SPEF2: variants seen among roughly 807,000 people sequenced by gnomAD.
SPEF2 encodes the protein sperm flagella and cilia-associated protein 2.
Under a neutral mutation model 224.6 loss-of-function variants are expected in SPEF2, and 187 were observed. That is an observed-to-expected ratio of 0.83 (90% CI 0.74 to 0.94). The LOEUF (loss-of-function observed/expected upper bound fraction) is 0.94, where lower values mean the gene tolerates loss of function less well. Ranked by LOEUF, SPEF2 falls within the 40% of genes least tolerant of loss-of-function variation. The pLI, the probability that SPEF2 is intolerant of heterozygous loss-of-function variation, is 0.00. For missense variants in SPEF2, 2,170 were observed against 2,135.6 expected (o/e 1.02, Z -0.32); for synonymous variants, 715 against 707.3 (o/e 1.01, Z -0.17).
chr5:35,710,896 T>C, intron 19 of SPEF2: 1 of 984,650 alleles, frequency 1.0e-6, no homozygotes, highest in Non-Finnish European at 1.2e-6. Context: ...TCAAGGCTAG[T>C]GCCTGATATT....
At chr5:35,702,606 G>T (rs1738876346) in intron 16 of SPEF2, among the ~76,000 whole-genome samples, 1 of 152,184 alleles carries the variant, frequency 6.6e-6, no homozygotes. Context: ...TCTGGGTGCT[G>T]ACTGTCTTCA....
chr5:35,728,437 CTT>C (rs1745053786), intron 21 of SPEF2, among the ~76,000 whole-genome samples: 1 of 152,170 alleles, frequency 6.6e-6, no homozygotes, highest in African/African-American at 2.4e-5. Context: ...ATGGTCCTTC[CTT>C]TGAAACTTTT....
rs1380175825 is a variant in SPEF2, at chr5:35,799,972, T to C, written c.4835T>C (p.Phe1612Ser). The change falls in exon 34 of 37, where the codon TTC (phenylalanine) becomes TCC (serine). Residue 1612 changes from phenylalanine (F) to serine (S), a missense_variant. Physicochemically the swap from Phe to Ser is radical, Grantham distance 155 (BLOSUM62 -2). Coordinates refer to ENST00000356031, the MANE Select transcript of SPEF2 (RefSeq NM_024867.4). ...FNRQEHLIEFFFRLFADYEKD... is the reference protein window; with the variant it reads ...FNRQEHLIEFSFRLFADYEKD... ...TGGAATTCTTTTTGTGTGCAGTTTTTCTTTAGGCTATTTGCTGACTATGAG... is the reference window on the plus strand; with the variant it reads ...TGGAATTCTTTTTGTGTGCAGTTTTCCTTTAGGCTATTTGCTGACTATGAG... 6.2e-7 allele frequency: 1 copy of C among 1,613,930 alleles called. No individual in the cohort carries two copies. Among genetic ancestry groups the C allele is most frequent in the Admixed American group, 1.7e-5 (1 of 60,004 alleles).
At position 35,653,952 on chromosome 5, in the gene SPEF2, A is replaced by G. The variant is rs572055346; in HGVS notation, c.792-588A>G. On this transcript the variant is annotated intron_variant, in intron 6 of 36. Coordinates refer to ENST00000356031, the MANE Select transcript of SPEF2 (RefSeq NM_024867.4). Reference sequence around the variant, plus strand: ...ACAGAGTGAGACTCTGTCTCAAAAAAAAAAAAAAAAAAAAGTAAAATAACA... The same window carrying G: ...ACAGAGTGAGACTCTGTCTCAAAAAGAAAAAAAAAAAAAAGTAAAATAACA... 3.3e-4 allele frequency among the ~76,000 whole-genome samples: 50 copies of G among 149,430 alleles called. No homozygotes were observed. The East Asian group carries it at 9.9e-3, about 30-fold the overall frequency.
chr5:35,778,695 C>T (rs1010281956), intron 29 of SPEF2, among the ~76,000 whole-genome samples: 2 of 152,116 alleles, frequency 1.3e-5, no homozygotes, highest in Non-Finnish European at 2.9e-5. Context: ...ATAATTCATC[C>T]TAATTCCAAA....
chr5:35,621,941 A>G (rs1046879642), intron 1 of SPEF2, among the ~76,000 whole-genome samples: 2 of 152,198 alleles, frequency 1.3e-5, no homozygotes, highest in Non-Finnish European at 2.9e-5. Flanking sequence ...ACACTGTTCA[A>G]TAGTATTTTC....
chr5:35,679,955 A>G (rs1298317604), intron 10 of SPEF2, among the ~76,000 whole-genome samples: 1 of 152,112 alleles, frequency 6.6e-6, no homozygotes, highest in East Asian at 1.9e-4. Context: ...CAAGGGATTT[A>G]TTTTTCCCTA....
intron 19 of SPEF2, 133 bp from the exon 20 acceptor site, chr5:35,712,679 A>G (rs1384791003): frequency 3.8e-6 from 3 of 797,322 alleles, no homozygotes; most frequent in Non-Finnish European, 2.0e-6. Context: ...CAAAGTAAAA[A>G]CCTGAGCCAT....
At chr5:35,646,922 T>G in intron 5 of SPEF2, 115 bp downstream of exon 5, 1 of 1,117,790 alleles carries the variant, frequency 8.9e-7, no homozygotes, top group Non-Finnish European at 1.3e-6. Flanking sequence ...AAATTATCTC[T>G]GACCTTGTCC....
At chr5:35,741,817 C>T (rs1358559311) in intron 23 of SPEF2, among the ~76,000 whole-genome samples, 2 of 152,146 alleles carry the variant, frequency 1.3e-5, no homozygotes, top group Non-Finnish European at 2.9e-5. Context: ...AACCCTACAA[C>T]TTTTTTTCTG....
At chr5:35,700,324 C>A in intron 15 of SPEF2, 172 bp from the exon 16 acceptor site, 1 of 641,500 alleles carries the variant, frequency 1.6e-6, no homozygotes, top group Non-Finnish European at 2.7e-6. Context: ...TATTTTTAAG[C>A]AAGGGAGTGA....
intron 10 of SPEF2, among the ~76,000 whole-genome samples, chr5:35,674,361 G>A (rs867769984): frequency 1.9e-5 from 2 of 104,566 alleles, no homozygotes; most frequent in African/African-American, 7.4e-5. Context: ...TTTTTTTGGT[G>A]TTTCCAAATT....
At chr5:35,734,709 CTTTTT>C (rs869188623) in intron 21 of SPEF2, among the ~76,000 whole-genome samples, 9 of 31,210 alleles carry the variant, frequency 2.9e-4, no homozygotes, top group African/African-American at 7.6e-4. Flanking sequence ...TCTTTTTTTT[CTTTTT>C]TTTTTTTTTT....
At position 35,618,071 on chromosome 5, in the gene SPEF2, C is replaced by A; in HGVS notation, c.58+16C>A. 6.3e-7 allele frequency: 1 copy of A among 1,575,308 alleles called. No homozygotes were observed. Among genetic ancestry groups the A allele is most frequent in the African/African-American group, 1.4e-5 (1 of 73,906 alleles). ...CGGACCGTGAGTGAGTGACCACGGC[C>A]AGGGGCGAGCGTCTGAGGGGCTAGC... On this transcript the variant is annotated intron_variant, in intron 1 of 36. Coordinates refer to ENST00000356031, the MANE Select transcript of SPEF2 (RefSeq NM_024867.4).
chr5:35,700,619 AG>A lies in SPEF2; in HGVS notation c.2266del (p.Ala756HisfsTer29), dbSNP rs1738420029. 1 of 1,614,012 alleles carries A rather than the reference AG, an allele frequency of 6.2e-7. No homozygotes were observed. The highest frequency in any genetic ancestry group is 8.5e-7 in the Non-Finnish European group (1 of 1,179,956). On this transcript the variant is annotated frameshift_variant, in exon 16 of 37. Coordinates refer to ENST00000356031, the MANE Select transcript of SPEF2 (RefSeq NM_024867.4). LOFTEE classifies it high-confidence loss of function. ...ACCTCACAGAAGTGGAAAGAAAAAA[AG>A]CACAAAAATCCACATTGGCTATTGA... ...RNLTEVERKKAQKSTLAIDPA... is the reference protein window; with the variant it reads ...RNLTEVERKKXQKSTLAIDPA...
intron 24 of SPEF2, among the ~76,000 whole-genome samples, chr5:35,757,611 C>G (rs1750642084): frequency 1.3e-5 from 2 of 152,094 alleles, no homozygotes; most frequent in Non-Finnish European, 2.9e-5. Flanking sequence ...GTATAATTTA[C>G]AAGACTCATT....
chr5:35,724,760 A>G (rs1462338977), intron 20 of SPEF2, among the ~76,000 whole-genome samples: 2 of 152,198 alleles, frequency 1.3e-5, no homozygotes, highest in Non-Finnish European at 2.9e-5. Flanking sequence ...TGTGCAAAAA[A>G]GTAAATAGTA....
intron 34 of SPEF2, among the ~76,000 whole-genome samples, chr5:35,806,198 G>T: frequency 6.6e-6 from 1 of 152,178 alleles, no homozygotes. Flanking sequence ...AAGAGCAGCA[G>T]TAAAAATCCC....
At chr5:35,759,761 T>C (rs770366508) in intron 25 of SPEF2, 42 bp downstream of exon 25, 2 of 1,450,238 alleles carry the variant, frequency 1.4e-6, no homozygotes, top group Middle Eastern at 1.9e-4. Flanking sequence ...GTTTTGAACA[T>C]AAAGCTTTGT....
Sources: gnomAD v4.1 joint callset for allele counts (sites outside exome capture counted in the v4.1 genomes callset) on GRCh38, gnomAD v4.1.1 for gene constraint, MANE v1.5 for transcripts, NCBI Gene and HGNC (gene_info 2026-07-23, HGNC 2026-07-21) for gene names.